The following ST6GALNAC3 variants were observed in gnomAD, a reference collection of about 807,000 sequenced individuals.
ST6GALNAC3 encodes ST6 N-acetylgalactosaminide alpha-2,6-sialyltransferase 3, also known as alpha-N-acetylgalactosaminide alpha-2,6-sialyltransferase 3.
A neutral mutation model predicts 32.7 loss-of-function variants in ST6GALNAC3; 25 were observed. The observed-to-expected ratio is 0.76, with a 90% confidence interval of 0.56 to 1.07. The LOEUF (loss-of-function observed/expected upper bound fraction) is 1.07. Ranked by LOEUF, ST6GALNAC3 falls within the 50% of genes least tolerant of loss-of-function variation. The pLI, the probability that ST6GALNAC3 is intolerant of heterozygous loss-of-function variation, is 0.00. For synonymous variants in ST6GALNAC3, 129 were observed against 133.1 expected (o/e 0.97, Z 0.21); for missense variants, 355 against 382.4 (o/e 0.93, Z 0.60).
At chr1:76,326,629 G>C (rs990589302) in intron 2 of ST6GALNAC3, among the ~76,000 whole-genome samples, 1 of 151,584 alleles carries the variant, frequency 6.6e-6, no homozygotes, top group Non-Finnish European at 1.5e-5. Context: ...GACTTCCTGT[G>C]GTATCTAGTA....
At chr1:76,514,749 T>C (rs1304460486) in intron 3 of ST6GALNAC3, among the ~76,000 whole-genome samples, 1 of 152,186 alleles carries the variant, frequency 6.6e-6, no homozygotes. Context: ...TTTTTCTTTA[T>C]AAATTACCCA....
chr1:76,321,882 C>T (rs1646974113), intron 2 of ST6GALNAC3, among the ~76,000 whole-genome samples: 1 of 152,160 alleles, frequency 6.6e-6, no homozygotes, highest in African/African-American at 2.4e-5. Context: ...GAAAATTTCT[C>T]TATTGCTGTG....
intron 1 of ST6GALNAC3, among the ~76,000 whole-genome samples, chr1:76,099,054 C>T (rs1355182758): frequency 6.6e-6 from 1 of 152,094 alleles, no homozygotes; most frequent in Non-Finnish European, 1.5e-5. Context: ...GGCAGAGACA[C>T]CGAAATGTTC....
chr1:76,462,718 C>T (rs1475354176), intron 3 of ST6GALNAC3, among the ~76,000 whole-genome samples: 1 of 152,062 alleles, frequency 6.6e-6, no homozygotes, highest in Non-Finnish European at 1.5e-5. Flanking sequence ...CACATAGACA[C>T]AGTATTTGTT....
chr1:76,304,771 T>C (rs1247080643), intron 1 of ST6GALNAC3, among the ~76,000 whole-genome samples: 3 of 152,202 alleles, frequency 2.0e-5, no homozygotes, highest in East Asian at 1.9e-4. Flanking sequence ...ATTTTCATCA[T>C]TGTCGGGATG....
At chr1:76,625,079 A>G (rs1001370508) in intron 3 of ST6GALNAC3, among the ~76,000 whole-genome samples, 2 of 151,984 alleles carry the variant, frequency 1.3e-5, no homozygotes, top group South Asian at 2.1e-4. Flanking sequence ...CCAAAGCCTC[A>G]TGTTCGAGTA....
chr1:76,310,819 T>G (rs1184340626), intron 1 of ST6GALNAC3, among the ~76,000 whole-genome samples: 1 of 152,214 alleles, frequency 6.6e-6, no homozygotes, highest in Non-Finnish European at 1.5e-5. Context: ...GTCTTTACCC[T>G]GCACTTCATG....
intron 2 of ST6GALNAC3, among the ~76,000 whole-genome samples, chr1:76,360,881 T>C (rs959401933): frequency 2.6e-5 from 4 of 152,166 alleles, no homozygotes; most frequent in African/African-American, 4.8e-5. Context: ...TTTAAACCTT[T>C]CCTTTCATGT....
chr1:76,340,443 G>C (rs1647863761), intron 2 of ST6GALNAC3, among the ~76,000 whole-genome samples: 1 of 152,116 alleles, frequency 6.6e-6, no homozygotes, highest in South Asian at 2.1e-4. Flanking sequence ...TGCCAAAGGG[G>C]GCCCAGAGCA....
intron 3 of ST6GALNAC3, among the ~76,000 whole-genome samples, chr1:76,552,452 G>A (rs1431639075): frequency 6.6e-6 from 1 of 152,032 alleles, no homozygotes; most frequent in Admixed American, 6.6e-5. Flanking sequence ...GTGATTATCT[G>A]TTCACTCTTT....
At chr1:76,342,283 A>G (rs887631387) in intron 2 of ST6GALNAC3, among the ~76,000 whole-genome samples, 3 of 152,226 alleles carry the variant, frequency 2.0e-5, no homozygotes, top group African/African-American at 7.2e-5. Flanking sequence ...AGGAATCACC[A>G]AACTGTCTTC....
At chr1:76,165,640 G>A (rs1054632664) in intron 1 of ST6GALNAC3, among the ~76,000 whole-genome samples, 37 of 152,266 alleles carry the variant, frequency 2.4e-4, no homozygotes, top group African/African-American at 8.4e-4. Flanking sequence ...CACCAACAGT[G>A]TATAACCATT....
intron 1 of ST6GALNAC3, among the ~76,000 whole-genome samples, chr1:76,138,602 T>G (rs1650095355): frequency 6.6e-6 from 1 of 152,216 alleles, no homozygotes; most frequent in African/African-American, 2.4e-5. Flanking sequence ...CCCAACAGCC[T>G]TCCAAATAGA....
Position 76,466,527 on chromosome 1 carries a change from A to C in ST6GALNAC3, c.623+54110A>C, listed in dbSNP as rs749851937. Among the ~76,000 whole-genome samples the C allele has an allele frequency of 1.4e-4, 21 of 152,176 alleles. 1 individual carries two copies. The highest frequency in any genetic ancestry group is 6.2e-4 in the South Asian group (3 of 4,824). On this transcript the variant is annotated intron_variant, in intron 3 of 4. Coordinates refer to ENST00000328299, the MANE Select transcript of ST6GALNAC3 (RefSeq NM_152996.4). ...GCTACAATGTTGGTGAAGTGACTGG[A>C]CTCATATACTACTGGTAGCAATATA...
At chr1:76,535,972 A>G (rs1663571770) in intron 3 of ST6GALNAC3, among the ~76,000 whole-genome samples, 1 of 152,206 alleles carries the variant, frequency 6.6e-6, no homozygotes, top group South Asian at 2.1e-4. Flanking sequence ...CTTCTTGGGC[A>G]AAAGAAATCT....
chr1:76,341,662 TTTCTTTCTTTCTTTCTTTCC>T (rs1474084115), intron 2 of ST6GALNAC3, among the ~76,000 whole-genome samples: 3 of 147,032 alleles, frequency 2.0e-5, no homozygotes, highest in Non-Finnish European at 3.0e-5. Context: ...TCTTTCTTTC[TTTCTTTCTTTCTTTCTTTCC>T]TTCTTTCTTT....
chr1:76,563,106 C>T (rs1178798896), intron 3 of ST6GALNAC3, among the ~76,000 whole-genome samples: 1 of 152,170 alleles, frequency 6.6e-6, no homozygotes, highest in Non-Finnish European at 1.5e-5. Context: ...GAATTTTTCA[C>T]TTAAGATTCC....
At chr1:76,372,371 C>T (rs747929694) in intron 2 of ST6GALNAC3, among the ~76,000 whole-genome samples, 8 of 152,092 alleles carry the variant, frequency 5.3e-5, no homozygotes, top group South Asian at 2.1e-4. Flanking sequence ...TGCACACACA[C>T]GCGCACACAC....
intron 1 of ST6GALNAC3, among the ~76,000 whole-genome samples, chr1:76,234,519 G>C (rs183114306): frequency 7.9e-5 from 12 of 152,320 alleles, no homozygotes; most frequent in African/African-American, 2.9e-4. Context: ...CAGGAAGGCC[G>C]ATGCCTATCT....
Sources: gnomAD v4.1 joint callset for allele counts (sites outside exome capture counted in the v4.1 genomes callset) on GRCh38, gnomAD v4.1.1 for gene constraint, MANE v1.5 for transcripts, NCBI Gene and HGNC (gene_info 2026-07-23, HGNC 2026-07-21) for gene names.